The following GPR39 variants were observed in gnomAD, a reference collection of about 807,000 sequenced individuals.
The protein encoded by GPR39 is G protein-coupled receptor 39, also known as zinc sensing receptor.
GPR39 carries 23 observed loss-of-function variants against 18.4 expected under a neutral mutation model. That is an observed-to-expected ratio of 1.25 (90% CI 0.90 to 1.77). The LOEUF is 1.77. Ranked by LOEUF, GPR39 falls within the 40% of genes most tolerant of loss-of-function variation. The pLI, the probability that GPR39 is intolerant of heterozygous loss-of-function variation, is 0.00. For synonymous variants in GPR39, 280 were observed against 257.9 expected, an observed-to-expected ratio of 1.09 and a Z score of -0.82; for missense variants, 647 against 602.4, an observed-to-expected ratio of 1.07 and a Z score of -0.78.
At position 132,646,070 on chromosome 2, in the gene GPR39, A is replaced by G; in HGVS notation, c.*464A>G. ...TCAGCAGTGTGCCGAGAAGAGGGCTAATTTGAGGAACAGGATGGTGGTGCG... is the reference window on the plus strand; with the variant it reads ...TCAGCAGTGTGCCGAGAAGAGGGCTGATTTGAGGAACAGGATGGTGGTGCG... On this transcript the variant is annotated 3_prime_UTR_variant, in exon 2 of 2. Coordinates refer to ENST00000329321, the MANE Select transcript of GPR39 (RefSeq NM_001508.3). 6.3e-7 allele frequency: 1 copy of G among 1,589,092 alleles called. No individual in the cohort carries two copies. Among genetic ancestry groups the G allele is most frequent in the Non-Finnish European group, 8.6e-7 (1 of 1,166,268 alleles).
chr2:132,607,185 C>T (rs1007948960), intron 1 of GPR39, among the ~76,000 whole-genome samples: 1 of 152,176 alleles, frequency 6.6e-6, no homozygotes, highest in African/African-American at 2.4e-5. Context: ...CCTGCTCTGG[C>T]ATATTTCAGT....
intron 1 of GPR39, among the ~76,000 whole-genome samples, chr2:132,499,238 A>C (rs553328773): frequency 1.3e-5 from 2 of 152,260 alleles, no homozygotes; most frequent in South Asian, 4.1e-4. Flanking sequence ...TTTTTATATG[A>C]AGTGAGAGAT....
intron 1 of GPR39, among the ~76,000 whole-genome samples, chr2:132,599,007 A>G (rs555302765): frequency 6.6e-6 from 1 of 152,324 alleles, no homozygotes; most frequent in South Asian, 2.1e-4. Context: ...AGGTTAGTTG[A>G]CAAGGAGGCA....
At chr2:132,589,740 G>C (rs1252705275) in intron 1 of GPR39, among the ~76,000 whole-genome samples, 1 of 152,174 alleles carries the variant, frequency 6.6e-6, no homozygotes, top group Non-Finnish European at 1.5e-5. Flanking sequence ...AACAAAAGGT[G>C]TCCCATTGCT....
At chr2:132,493,923 T>C (rs1377317028) in intron 1 of GPR39, among the ~76,000 whole-genome samples, 2 of 152,034 alleles carry the variant, frequency 1.3e-5, no homozygotes, top group African/African-American at 4.8e-5. Flanking sequence ...AAGTAGGGAA[T>C]GATCAATAGT....
chr2:132,646,444 TAGATGG>T lies in GPR39; in HGVS notation c.*839_*844del, dbSNP rs1329000746. ...CGGATTGTCTCATTGATATTCAAGA[TAGATGG>T]TGAAAGAGACAGGCACTATTTCATT... On this transcript the variant is annotated 3_prime_UTR_variant, in exon 2 of 2. Coordinates refer to ENST00000329321, the MANE Select transcript of GPR39 (RefSeq NM_001508.3). 9.5e-6 allele frequency: 4 copies of T among 418,914 alleles called. No homozygotes were observed. The highest frequency in any genetic ancestry group is 4.4e-5 in the Admixed American group (1 of 22,784). 25.9% of individuals were successfully genotyped at this position (418,914 alleles called of 1,614,324 possible). A position where few individuals can be genotyped will look rare whatever the true frequency, so the allele number is the denominator to read the frequency against.
chr2:132,601,166 C>T (rs1444105267), intron 1 of GPR39, among the ~76,000 whole-genome samples: 1 of 152,032 alleles, frequency 6.6e-6, no homozygotes. Context: ...CAAGTACACA[C>T]ACCTCTAGGT....
chr2:132,510,578 A>T (rs1679221867), intron 1 of GPR39, among the ~76,000 whole-genome samples: 1 of 152,170 alleles, frequency 6.6e-6, no homozygotes, highest in East Asian at 1.9e-4. Context: ...ATCTTAGCAC[A>T]GTTTCCAAGT....
intron 1 of GPR39, among the ~76,000 whole-genome samples, chr2:132,517,297 G>T (rs1464513519): frequency 6.6e-6 from 1 of 152,070 alleles, no homozygotes; most frequent in Non-Finnish European, 1.5e-5. Context: ...CCATTTTGGG[G>T]GAGGTTAGTT....
At chr2:132,545,329 A>T (rs1181110329) in intron 1 of GPR39, among the ~76,000 whole-genome samples, 1 of 152,208 alleles carries the variant, frequency 6.6e-6, no homozygotes, top group Non-Finnish European at 1.5e-5. Flanking sequence ...AGTCCATGTG[A>T]GGCAGCTGCT....
intron 1 of GPR39, among the ~76,000 whole-genome samples, chr2:132,482,464 G>A (rs1016243201): frequency 6.6e-6 from 1 of 152,108 alleles, no homozygotes; most frequent in African/African-American, 2.4e-5. Flanking sequence ...CCTGGAGCTC[G>A]AGCTGGGCTG....
chr2:132,521,449 T>G (rs1344357704), intron 1 of GPR39, among the ~76,000 whole-genome samples: 1 of 152,204 alleles, frequency 6.6e-6, no homozygotes, highest in African/African-American at 2.4e-5. Context: ...CTAGAACATA[T>G]GCTCTGTGAG....
chr2:132,520,479 C>T (rs994738164), intron 1 of GPR39, among the ~76,000 whole-genome samples: 1 of 152,202 alleles, frequency 6.6e-6, no homozygotes, highest in Non-Finnish European at 1.5e-5. Flanking sequence ...CCTTTCCTCT[C>T]TGTTGGAAGA....
chr2:132,517,315 G>A (rs1250172337), intron 1 of GPR39, among the ~76,000 whole-genome samples: 1 of 152,074 alleles, frequency 6.6e-6, no homozygotes, highest in Non-Finnish European at 1.5e-5. Context: ...GTTGGGGGAA[G>A]GAAAGGAGGA....
Position 132,537,148 on chromosome 2 carries a change from A to G in GPR39, c.857-107953A>G, listed in dbSNP as rs1679772590. ...GGTTATTTTGCACACTAGTTGATGC[A>G]GTTTCTTCATAGTGTCATTGGTCTT... On this transcript the variant is annotated intron_variant, in intron 1 of 1. Transcript: ENST00000329321. 3.3e-5 allele frequency among the ~76,000 whole-genome samples: 5 copies of G among 152,194 alleles called. No individual in the cohort carries two copies. The South Asian group carries it at 1.0e-3, about 32-fold the overall frequency.
intron 1 of GPR39, among the ~76,000 whole-genome samples, chr2:132,559,603 C>G (rs552498975): frequency 2.0e-5 from 3 of 152,152 alleles, no homozygotes; most frequent in Non-Finnish European, 4.4e-5. Flanking sequence ...CCGGCCAGGT[C>G]TTGGGAGTAG....
chr2:132,544,427 T>C (rs992005290), intron 1 of GPR39, among the ~76,000 whole-genome samples: 2 of 152,216 alleles, frequency 1.3e-5, no homozygotes, highest in Non-Finnish European at 2.9e-5. Flanking sequence ...GCCAGCTGGA[T>C]TGGGGGATGT....
rs1011130838 is a variant in GPR39, at chr2:132,523,817, C to T, written c.856+105919C>T. The T allele has an allele frequency of 9.2e-5, 14 of 152,766 alleles. 4 individuals carry two copies. Among genetic ancestry groups the T allele is most frequent in the Non-Finnish European group, 1.9e-4 (13 of 68,218 alleles). 9.5% of individuals were successfully genotyped at this position (152,766 alleles called of 1,614,324 possible). On this transcript the variant is annotated intron_variant, in intron 1 of 1. Coordinates refer to ENST00000329321, the MANE Select transcript of GPR39 (RefSeq NM_001508.3). Reference sequence around the variant, plus strand: ...CTTTGGTCAAGGGTATATGAGTAGCCGTGCTCCCCTGCTAGAACCTCCACA... The same window carrying T: ...CTTTGGTCAAGGGTATATGAGTAGCTGTGCTCCCCTGCTAGAACCTCCACA...
chr2:132,535,365 A>G (rs1049270696), intron 1 of GPR39, among the ~76,000 whole-genome samples: 3 of 152,160 alleles, frequency 2.0e-5, no homozygotes, highest in Non-Finnish European at 2.9e-5. Context: ...GATGAATTAC[A>G]TTTATTGATT....
Sources: gnomAD v4.1 joint callset for allele counts (sites outside exome capture counted in the v4.1 genomes callset) on GRCh38, gnomAD v4.1.1 for gene constraint, MANE v1.5 for transcripts, NCBI Gene and HGNC (gene_info 2026-07-23, HGNC 2026-07-21) for gene names.